The following DCTN5 variants were observed in gnomAD, a reference collection of about 807,000 sequenced individuals.
DCTN5 encodes the protein dynactin 4.
Under a neutral mutation model 23.5 loss-of-function variants are expected in DCTN5, and 14 were observed. That is an observed-to-expected ratio of 0.60 (90% CI 0.39 to 0.93). DCTN5 has a LOEUF of 0.93. Ranked by LOEUF, DCTN5 falls within the 40% of genes least tolerant of loss-of-function variation. The pLI is 0.00. For synonymous variants in DCTN5, 67 were observed against 79.6 expected (o/e 0.84, Z 0.84); for missense variants, 156 against 225.9 (o/e 0.69, Z 1.98).
At chr16:23,656,555 A>G (rs1355424167) in intron 2 of DCTN5, among the ~76,000 whole-genome samples, 1 of 152,202 alleles carries the variant, frequency 6.6e-6, no homozygotes, top group Non-Finnish European at 1.5e-5. Context: ...GATTATGTCT[A>G]TATGGAATTG....
Position 23,669,928 on chromosome 16 carries a change from A to T in DCTN5, c.*2784A>T, listed in dbSNP as rs1438497508. 1 of 152,170 alleles carries T rather than the reference A, an allele frequency of 6.6e-6. No individual in the cohort carries two copies. Among genetic ancestry groups the T allele is most frequent in the African/African-American group, 2.4e-5 (1 of 41,406 alleles). 9.4% of individuals were successfully genotyped at this position (152,170 alleles called of 1,614,324 possible). A position where few individuals can be genotyped will look rare whatever the true frequency, so the allele number is the denominator to read the frequency against. ...CCCAGATGAGCTGACTGGGCCATGG[A>T]ACTGCATCCTTATGGTTCCCATAGC... On this transcript the variant is annotated 3_prime_UTR_variant, in exon 6 of 6. Coordinates refer to ENST00000300087, the MANE Select transcript of DCTN5 (RefSeq NM_032486.4).
At position 23,667,374 on chromosome 16, in the gene DCTN5, C is replaced by T. The variant is rs1480909664; in HGVS notation, c.*230C>T. The T allele has an allele frequency of 1.3e-5, 7 of 553,978 alleles. No individual in the cohort carries two copies. The highest frequency in any genetic ancestry group is 2.3e-5 in the Non-Finnish European group (7 of 309,850). 34.3% of individuals were successfully genotyped at this position (553,978 alleles called of 1,614,324 possible). A position where few individuals can be genotyped will look rare whatever the true frequency, so the allele number is the denominator to read the frequency against. ...TTCAAATGCTGTGCTTACACCTTATCTATGAACAGTCACTTTGTACCATTA... is the reference window on the plus strand; with the variant it reads ...TTCAAATGCTGTGCTTACACCTTATTTATGAACAGTCACTTTGTACCATTA... On this transcript the variant is annotated 3_prime_UTR_variant, in exon 6 of 6. Transcript: ENST00000300087.
Position 23,667,222 on chromosome 16 carries a change from A to T in DCTN5, c.*78A>T. The T allele has an allele frequency of 1.9e-6, 3 of 1,578,758 alleles. No individual in the cohort carries two copies. In the Admixed American group the frequency reaches 5.1e-5, roughly 27 times the overall value. The stretch of plus-strand genomic sequence containing the variant: ...CAAAGTGAGCCAGTCAGCACCTACA[A>T]AGAGCTTTTGTGTCTTTGACATCTA... On this transcript the variant is annotated 3_prime_UTR_variant, in exon 6 of 6. Transcript: ENST00000300087.
intron 2 of DCTN5, among the ~76,000 whole-genome samples, chr16:23,645,137 A>ATTTTTTTTTTTTTTTTTT (rs869033729): frequency 3.2e-5 from 1 of 30,806 alleles, no homozygotes; most frequent in African/African-American, 1.3e-4. Context: ...ATATATATAT[A>ATTTTTTTTTTTTTTTTTT]TTTTTTTTTT....
At position 23,669,561 on chromosome 16, in the gene DCTN5, C is replaced by A. The variant is rs1255080242; in HGVS notation, c.*2417C>A. 1.3e-5 allele frequency: 2 copies of A among 152,798 alleles called. No individual in the cohort carries two copies. Among genetic ancestry groups the A allele is most frequent in the Non-Finnish European group, 2.9e-5 (2 of 68,534 alleles). 9.5% of individuals were successfully genotyped at this position (152,798 alleles called of 1,614,324 possible). ...CAGGCCTGGCATGTACCCACAGAGA[C>A]TGAGAGTTGGTGCTGGTGGTTGTGG... On this transcript the variant is annotated 3_prime_UTR_variant, in exon 6 of 6. Coordinates refer to ENST00000300087, the MANE Select transcript of DCTN5 (RefSeq NM_032486.4).
chr16:23,648,696 G>T (rs528693359), intron 2 of DCTN5, among the ~76,000 whole-genome samples: 1 of 151,956 alleles, frequency 6.6e-6, no homozygotes, highest in African/African-American at 2.4e-5. Flanking sequence ...CTCCATAGTG[G>T]CTGTACTAGT....
chr16:23,662,273 G>T (rs551459816), intron 4 of DCTN5, among the ~76,000 whole-genome samples: 1 of 152,298 alleles, frequency 6.6e-6, no homozygotes, highest in Admixed American at 6.5e-5. Context: ...CATGCGTAAG[G>T]AAGGGTTCAA....
In DCTN5 at chr16:23,670,460, G is replaced by C. The variant is rs1031031557; in HGVS notation, c.*3316G>C. 1 of 152,158 alleles carries C rather than the reference G, an allele frequency of 6.6e-6. No individual in the cohort carries two copies. The highest frequency in any genetic ancestry group is 1.5e-5 in the Non-Finnish European group (1 of 68,046). The allele number at this position is 152,158 out of a possible 1,614,324, so 9.4% of individuals were successfully genotyped here. Reference sequence around the variant, plus strand: ...TTCTCAGCTATAAGGAAGAGGTCTTGGTGGCTAGGGAGGCCTTTCTCTGTA... The same window carrying C: ...TTCTCAGCTATAAGGAAGAGGTCTTCGTGGCTAGGGAGGCCTTTCTCTGTA... On this transcript the variant is annotated 3_prime_UTR_variant, in exon 6 of 6. Transcript: ENST00000300087.
intron 2 of DCTN5, among the ~76,000 whole-genome samples, chr16:23,652,310 C>T (rs778040821): frequency 4.6e-4 from 70 of 152,110 alleles, no homozygotes; most frequent in Non-Finnish European, 8.2e-4. Context: ...TTTACAACTG[C>T]CTATTGATCA....
At chr16:23,655,670 G>C (rs1403522048) in intron 2 of DCTN5, among the ~76,000 whole-genome samples, 1 of 151,660 alleles carries the variant, frequency 6.6e-6, no homozygotes, top group Non-Finnish European at 1.5e-5. Flanking sequence ...GCAGACTCCT[G>C]AGTAGCTGGG....
chr16:23,666,036 C>T (rs1241111626), intron 5 of DCTN5: 1 of 293,528 alleles, frequency 3.4e-6, no homozygotes, highest in African/African-American at 2.2e-5. Flanking sequence ...AGGGGTGATA[C>T]TCATGTCGGG....
intron 2 of DCTN5, among the ~76,000 whole-genome samples, chr16:23,647,918 A>G (rs550167278): frequency 1.3e-5 from 2 of 152,304 alleles, no homozygotes; most frequent in Admixed American, 6.5e-5. Flanking sequence ...AGTGAACCCT[A>G]TACCCAACTG....
intron 2 of DCTN5, among the ~76,000 whole-genome samples, chr16:23,645,137 A>ATATATATATATTT (rs1555462995): frequency 3.2e-5 from 1 of 30,806 alleles, no homozygotes; most frequent in Non-Finnish European, 5.6e-5. Context: ...ATATATATAT[A>ATATATATATATTT]TTTTTTTTTT....
intron 2 of DCTN5, chr16:23,651,057 A>G: frequency 7.3e-7 from 1 of 1,377,882 alleles, no homozygotes; most frequent in Non-Finnish European, 9.4e-7. Context: ...ATTTTAAATG[A>G]TTTGTTAAAA....
intron 2 of DCTN5, among the ~76,000 whole-genome samples, chr16:23,657,843 A>G (rs948673736): frequency 9.9e-5 from 15 of 152,186 alleles, no homozygotes; most frequent in Admixed American, 9.2e-4. Context: ...CTCATAATCT[A>G]CTTGCATGTC....
chr16:23,654,802 T>C (rs935757327), intron 2 of DCTN5, among the ~76,000 whole-genome samples: 1 of 152,180 alleles, frequency 6.6e-6, no homozygotes, highest in Admixed American at 6.5e-5. Context: ...CTACTCTCTG[T>C]CTTGAAATCT....
rs986729290 is a variant in DCTN5 at position 23,674,858 on chromosome 16, A to G, written c.*7714A>G. The G allele has an allele frequency of 6.6e-6, 1 of 152,056 alleles. No homozygotes were observed. Among genetic ancestry groups the G allele is most frequent in the Admixed American group, 6.5e-5 (1 of 15,272 alleles). The allele number at this position is 152,056 out of a possible 1,614,324, so 9.4% of individuals were successfully genotyped here. ...CAGGACAAGGTGTCGACAGCTTTAG[A>G]TTCTTCTGAGGCCTCTCTGCTTGGC... On this transcript the variant is annotated 3_prime_UTR_variant, in exon 6 of 6. Transcript: ENST00000300087.
chr16:23,660,294 A>T (rs982895115), intron 3 of DCTN5, among the ~76,000 whole-genome samples: 11 of 152,360 alleles, frequency 7.2e-5, no homozygotes, highest in Non-Finnish European at 1.5e-4. Context: ...GAATTCTTCT[A>T]TACTGCCCTT....
chr16:23,654,457 C>T (rs926896388), intron 2 of DCTN5, among the ~76,000 whole-genome samples: 5 of 151,736 alleles, frequency 3.3e-5, no homozygotes, highest in Non-Finnish European at 4.4e-5. Context: ...CCTATGGGAG[C>T]GGGGAGTTGG....
Sources: gnomAD v4.1 joint callset for allele counts (sites outside exome capture counted in the v4.1 genomes callset) on GRCh38, gnomAD v4.1.1 for gene constraint, MANE v1.5 for transcripts, NCBI Gene and HGNC (gene_info 2026-07-23, HGNC 2026-07-21) for gene names.